IGF2BP3: variants seen among roughly 807,000 people sequenced by gnomAD.
IGF2BP3 encodes insulin like growth factor 2 mRNA binding protein 3.
IGF2BP3 carries 9 observed loss-of-function variants against 73.8 expected under a neutral mutation model. The observed-to-expected ratio is 0.12, with a 90% confidence interval of 0.07 to 0.21. The LOEUF (loss-of-function observed/expected upper bound fraction) is 0.21. IGF2BP3 is among the 10% of genes least tolerant of loss of function. IGF2BP3 has a pLI of 1.00. For synonymous variants in IGF2BP3, 258 were observed against 256.7 expected (o/e 1.01, Z -0.05); for missense variants, 542 against 714.0 (o/e 0.76, Z 2.75).
At position 23,441,498 on chromosome 7, in the gene IGF2BP3, G is replaced by A. The variant is rs1001398072; in HGVS notation, c.237-22674C>T. ...TGAGGCAGGAGAATCGCTTGAACCC[G>A]GGAGGCCGAGGTTGCAGTGAGCTGA... On this transcript the variant is annotated intron_variant, in intron 2 of 14. Transcript: ENST00000258729. 5.4e-5 allele frequency among the ~76,000 whole-genome samples: 8 copies of A among 149,490 alleles called. No homozygotes were observed. The Admixed American group carries it at 5.4e-4, about 10-fold the overall frequency.
intron 2 of IGF2BP3, among the ~76,000 whole-genome samples, chr7:23,422,817 T>C (rs1787388408): frequency 6.6e-6 from 1 of 152,170 alleles, no homozygotes. Flanking sequence ...GTTTTTCAGA[T>C]GGGAGTCTCG....
At chr7:23,348,519 C>T (rs1035599950) in intron 6 of IGF2BP3, among the ~76,000 whole-genome samples, 3 of 152,210 alleles carry the variant, frequency 2.0e-5, no homozygotes, top group Admixed American at 2.0e-4. Flanking sequence ...TTTCTTGTAA[C>T]ATCTACTCCT....
chr7:23,380,309 C>T (rs577506442), intron 3 of IGF2BP3, among the ~76,000 whole-genome samples: 40 of 152,046 alleles, frequency 2.6e-4, no homozygotes, highest in Non-Finnish European at 5.0e-4. Flanking sequence ...ACTACAAGTG[C>T]CTGCCACCGT....
chr7:23,347,528 T>C lies in IGF2BP3; in HGVS notation c.818+72A>G, dbSNP rs115341934. 1.1e-3 allele frequency: 1,656 copies of C among 1,519,814 alleles called. 7 individuals are homozygous for C. The African/African-American group carries it at 0.02, about 18-fold the overall frequency. The allele number at this position is 1,519,814 out of a possible 1,614,324, so 94.1% of individuals were successfully genotyped here. A position where few individuals can be genotyped will look rare whatever the true frequency, so the allele number is the denominator to read the frequency against. On this transcript the variant is annotated intron_variant, in intron 7 of 14. Transcript: ENST00000258729. The stretch of plus-strand genomic sequence containing the variant: ...TCTGTTTGTTGGCAATTCCCAAGAA[T>C]TGTGTCAGAGATGTCAAAAATACAA...
intron 2 of IGF2BP3, among the ~76,000 whole-genome samples, chr7:23,459,165 G>A (rs754117868): frequency 2.0e-5 from 3 of 152,108 alleles, no homozygotes; most frequent in Admixed American, 1.3e-4. Context: ...GAAAAGTCTC[G>A]AAAGGAGTTA....
chr7:23,367,676 C>A (rs17148073), intron 3 of IGF2BP3, among the ~76,000 whole-genome samples: 31 of 151,872 alleles, frequency 2.0e-4, no homozygotes, highest in Non-Finnish European at 2.8e-4. Context: ...GGACGTGAAA[C>A]CCTCAAATGT....
At chr7:23,443,869 C>A (rs574558404) in intron 2 of IGF2BP3, among the ~76,000 whole-genome samples, 246 of 150,888 alleles carry the variant, frequency 1.6e-3, no homozygotes, top group Non-Finnish European at 3.2e-3. Flanking sequence ...ATTAGCCAGG[C>A]ATGGTGGCAC....
intron 3 of IGF2BP3, among the ~76,000 whole-genome samples, chr7:23,367,031 T>A (rs1409573881): frequency 6.9e-6 from 1 of 145,428 alleles, no homozygotes; most frequent in Non-Finnish European, 1.5e-5. Context: ...CTTACTGGAG[T>A]GCAGTGACAT....
chr7:23,367,977 G>A (rs1785428376), intron 3 of IGF2BP3, among the ~76,000 whole-genome samples: 1 of 151,670 alleles, frequency 6.6e-6, no homozygotes, highest in South Asian at 2.1e-4. Flanking sequence ...TCCAGCCTGG[G>A]CAACAGATAG....
At chr7:23,328,621 T>C (rs890563058) in intron 10 of IGF2BP3, among the ~76,000 whole-genome samples, 2 of 152,192 alleles carry the variant, frequency 1.3e-5, no homozygotes, top group South Asian at 2.1e-4. Flanking sequence ...AAAGGATAAC[T>C]GGACAAGAGA....
chr7:23,363,849 T>C (rs1785295496), intron 3 of IGF2BP3, among the ~76,000 whole-genome samples: 1 of 152,270 alleles, frequency 6.6e-6, no homozygotes. Context: ...TGCCATGTGA[T>C]GTTGATCACA....
intron 3 of IGF2BP3, among the ~76,000 whole-genome samples, chr7:23,387,445 G>A (rs191893512): frequency 1.1e-4 from 16 of 152,290 alleles, no homozygotes; most frequent in Admixed American, 1.0e-3. Flanking sequence ...AAGAACTAAG[G>A]AAATCTGAGT....
rs1380747881 is a variant in IGF2BP3 at position 23,351,499 on chromosome 7, G to T, written c.489C>A (p.Asn163Lys). The T allele has an allele frequency of 1.9e-6, 3 of 1,614,066 alleles. No individual in the cohort carries two copies. Among genetic ancestry groups the T allele is most frequent in the Non-Finnish European group, 2.5e-6 (3 of 1,180,024 alleles). The change falls in exon 6 of 15, where the codon AAC becomes AAA. Residue 163 changes from asparagine (N) to lysine (K), a missense_variant. This residue lies in a region of IGF2BP3 where 239 missense variants were observed against 241.9 expected (regional missense o/e 0.99). Coordinates refer to ENST00000258729, the MANE Select transcript of IGF2BP3 (RefSeq NM_006547.3). ...YIPDEMAAQQ[N>K]PLQQPRGRRG... The stretch of plus-strand genomic sequence containing the variant: ...GGCGACCTCGGGGCTGCTGCAAGGG[G>T]TTTTGCTGGGCGGCCATTTCATCAG...
intron 5 of IGF2BP3, 136 bp downstream of exon 5, chr7:23,361,398 G>A (rs1174701231): frequency 9.4e-6 from 6 of 635,456 alleles, no homozygotes; most frequent in Admixed American, 2.9e-5. Flanking sequence ...AGAAAGGCAC[G>A]ATTACAGGGT....
intron 2 of IGF2BP3, among the ~76,000 whole-genome samples, chr7:23,444,838 G>C (rs1788022080): frequency 1.3e-5 from 2 of 152,088 alleles, no homozygotes; most frequent in African/African-American, 2.4e-5. Context: ...GAGGCCGAAG[G>C]AGGAGGAACA....
At position 23,312,057 on chromosome 7, in the gene IGF2BP3, A is replaced by G. The variant is rs1239131539; in HGVS notation, c.*305T>C. The G allele has an allele frequency of 7.1e-6, 2 of 283,224 alleles. No homozygotes were observed. The highest frequency in any genetic ancestry group is 4.4e-5 in the African/African-American group (2 of 45,882). The allele number at this position is 283,224 out of a possible 1,614,324, so 17.5% of individuals were successfully genotyped here. A position where few individuals can be genotyped will look rare whatever the true frequency, so the allele number is the denominator to read the frequency against. On this transcript the variant is annotated 3_prime_UTR_variant, in exon 15 of 15. Transcript: ENST00000258729. ...TGGGGGAATATTAAGAAGAATTAGA[A>G]TATCTGTTATACTGTGAGACTACAA...
At chr7:23,455,637 C>G (rs936530377) in intron 2 of IGF2BP3, among the ~76,000 whole-genome samples, 1 of 152,192 alleles carries the variant, frequency 6.6e-6, no homozygotes, top group African/African-American at 2.4e-5. Context: ...GGAAATCAGA[C>G]AGAACAAAGT....
intron 3 of IGF2BP3, among the ~76,000 whole-genome samples, chr7:23,378,573 T>TA: frequency 7.7e-6 from 1 of 129,698 alleles, no homozygotes; most frequent in Non-Finnish European, 1.6e-5. Context: ...TTGCTTGTTT[T>TA]TTTTTTTTTT....
chr7:23,357,068 T>C (rs1210052476), intron 5 of IGF2BP3, among the ~76,000 whole-genome samples: 1 of 152,232 alleles, frequency 6.6e-6, no homozygotes, highest in East Asian at 1.9e-4. Flanking sequence ...ACAGTGGTTA[T>C]CCCTGAATGG....
Sources: allele counts gnomAD v4.1 joint callset (sites outside exome capture counted in the v4.1 genomes callset), GRCh38; gene constraint gnomAD v4.1.1; regional missense constraint gnomAD v4.1.1; transcripts MANE v1.5; gene names NCBI Gene and HGNC (gene_info 2026-07-23, HGNC 2026-07-21).